SAMD11: variants seen among roughly 807,000 people sequenced by gnomAD.
The protein encoded by SAMD11 is sterile alpha motif domain-containing protein 11.
In SAMD11, 77 loss-of-function variants were observed where a neutral mutation model predicts 64.4. That is an observed-to-expected ratio of 1.20 (90% CI 0.99 to 1.44). The LOEUF (loss-of-function observed/expected upper bound fraction) is 1.44. Ranked by LOEUF, SAMD11 falls within the 40% of genes most tolerant of loss-of-function variation. The pLI, the probability that SAMD11 is intolerant of heterozygous loss-of-function variation, is 0.00. For synonymous variants in SAMD11, 658 were observed against 421.9 expected (o/e 1.56, Z -6.86); for missense variants, 1,402 against 943.3 (o/e 1.49, Z -6.37).
intron 4 of SAMD11, among the ~76,000 whole-genome samples, chr1:932,550 C>T (rs1237067056): frequency 6.6e-6 from 1 of 152,252 alleles, no homozygotes; most frequent in Non-Finnish European, 1.5e-5. Context: ...TGACCTGACC[C>T]TGGTGTCCGG....
At chr1:940,263 C>G (rs7411115) in intron 7 of SAMD11, 112,367 of 148,252 alleles carry the variant, frequency 0.76, 43,315 homozygotes, top group Non-Finnish European at 0.83. Context: ...CGCCGGCCGC[C>G]GGGGAGCGCG....
At chr1:937,473 C>T (rs1641519767) in intron 5 of SAMD11, among the ~76,000 whole-genome samples, 1 of 150,600 alleles carries the variant, frequency 6.6e-6, no homozygotes, top group South Asian at 2.1e-4. Context: ...GGGTAGTTTC[C>T]ACTGTGTACA....
chr1:927,016 C>T lies in SAMD11; in HGVS notation c.609+1003C>T, dbSNP rs141136857. Reference sequence around the variant, plus strand: ...TGAGTGCCGTAGCCAGGGAGCTGGGCGGCTGCAGACACACCTGTGAAGACG... The same window carrying T: ...TGAGTGCCGTAGCCAGGGAGCTGGGTGGCTGCAGACACACCTGTGAAGACG... On this transcript the variant is annotated intron_variant, in intron 2 of 13. Transcript: ENST00000616016. Among the ~76,000 whole-genome samples the T allele has an allele frequency of 3.6e-4, 55 of 152,226 alleles. No homozygotes were observed. The East Asian group carries it at 7.1e-3, about 20-fold the overall frequency.
In SAMD11 at chr1:939,136, G is replaced by C; in HGVS notation, c.1057+7G>C. The C allele has an allele frequency of 6.3e-7, 1 of 1,579,524 alleles. No individual in the cohort carries two copies. The highest frequency in any genetic ancestry group is 8.6e-7 in the Non-Finnish European group (1 of 1,162,168). ...CGAAGCGAATCGCCTCAAGGTAAGA[G>C]CGTGGCTGGGACGAGAGACAGGTCA... On this transcript the variant is annotated splice_region_variant and intron_variant, in intron 6 of 13. Transcript: ENST00000616016.
intron 2 of SAMD11, among the ~76,000 whole-genome samples, chr1:926,915 CCCGGGCGTACCTCCGCTTG>C (rs1227789224): frequency 6.6e-6 from 1 of 152,100 alleles, no homozygotes; most frequent in Non-Finnish European, 1.5e-5. Flanking sequence ...GCCTGAGGGT[CCCGGGCGTACCTCCGCTTG>C]CCTGCTTTGG....
In SAMD11 at chr1:944,433, C is replaced by G. The variant is rs537257169; in HGVS notation, c.*280C>G. ...CCCTGGAACTGGGACTGGTCTCGGTCTGCTGACGTCAGGGTCAGCTCCCCC... is the reference window on the plus strand; with the variant it reads ...CCCTGGAACTGGGACTGGTCTCGGTGTGCTGACGTCAGGGTCAGCTCCCCC... On this transcript the variant is annotated 3_prime_UTR_variant, in exon 14 of 14. Transcript: ENST00000616016. 1 of 1,023,370 alleles carries G rather than the reference C, an allele frequency of 9.8e-7. No individual in the cohort carries two copies. Among genetic ancestry groups the G allele is most frequent in the African/African-American group, 1.7e-5 (1 of 59,976 alleles). The allele number at this position is 1,023,370 out of a possible 1,614,324, so 63.4% of individuals were successfully genotyped here.
Position 923,923 on chromosome 1 carries a change from G to A in SAMD11, c.-509G>A, listed in dbSNP as rs1384662623. 1.3e-5 allele frequency: 2 copies of A among 151,262 alleles called. No homozygotes were observed. Among genetic ancestry groups the A allele is most frequent in the African/African-American group, 2.4e-5 (1 of 41,320 alleles). The allele number at this position is 151,262 out of a possible 1,614,324, so 9.4% of individuals were successfully genotyped here. On this transcript the variant is annotated 5_prime_UTR_variant, in exon 1 of 14. Coordinates refer to ENST00000616016, the MANE Select transcript of SAMD11 (RefSeq NM_001385641.1). ...TGGGCCAAGTTGTGGCGGCGGCGTC[G>A]GCGGCGGAGTCTCCCAAGTCCCCGC... is the stretch of plus-strand genomic sequence containing the variant.
rs200848321 is a variant in SAMD11 at position 939,069 on chromosome 1, T to C, written c.997T>C (p.Ser333Pro). ...CCTGTTGGGCAAGAGGCTGGGCCGC[T>C]CCCCCCGTATCAGCAGCGACTGCTT... ...GDLLGKRLGR[S>P]PRISSDCFSE... is the part of the protein sequence containing the mutation. The change falls in exon 6 of 14, where the codon TCC (serine) becomes CCC (proline). Residue 333 changes from serine to proline, a missense_variant. Physicochemically the swap from Ser to Pro is moderately conservative, Grantham distance 74. Transcript: ENST00000616016. The C allele has an allele frequency of 3.1e-6, 5 of 1,604,490 alleles. No homozygotes were observed. The highest frequency in any genetic ancestry group is 3.4e-6 in the Non-Finnish European group (4 of 1,176,114).
chr1:925,757 T>G, intron 1 of SAMD11, 165 bp from the exon 2 acceptor site: 1 of 605,984 alleles, frequency 1.7e-6, no homozygotes, highest in Non-Finnish European at 3.0e-6. Context: ...CCCTGCGGCG[T>G]TCGCGAGGGT....
rs1641998266 is a variant in SAMD11 at position 944,045 on chromosome 1, C to G, written c.2427C>G (p.Ser809=). 6.2e-7 allele frequency: 1 copy of G among 1,612,808 alleles called. No individual in the cohort carries two copies. The highest frequency in any genetic ancestry group is 8.5e-7 in the Non-Finnish European group (1 of 1,179,968). Reference sequence around the variant, plus strand: ...CCTTGTCCCCCACGACGGCCACGTCCCCCTATGGAGGGGGCCACGCCCTTG... The same window carrying G: ...CCTTGTCCCCCACGACGGCCACGTCGCCCTATGGAGGGGGCCACGCCCTTG... ...EQPLSPTTAT[S]PYGGGHALAG... Residue 809 remains serine (S), a synonymous_variant, in exon 14 of 14, where the codon TCC becomes TCG. Transcript: ENST00000616016.
Position 942,697 on chromosome 1 carries a change from C to A in SAMD11, c.1692C>A (p.Asn564Lys), listed in dbSNP as rs1641861290. Residue 564 changes from asparagine to lysine, a missense_variant, in exon 11 of 14, where the codon AAC becomes AAA. Transcript: ENST00000616016. ...LQRRGALLVL[N>K]HGAAPLLALP... ...GGCGCGGGGCCCTGCTGGTGCTGAA[C>A]CACGGCGCGGCGCCACTGCTGGCCC... 1.4e-6 allele frequency: 2 copies of A among 1,443,706 alleles called. No homozygotes were observed. The highest frequency in any genetic ancestry group is 3.0e-5 in the African/African-American group (2 of 66,538). The allele number at this position is 1,443,706 out of a possible 1,614,324, so 89.4% of individuals were successfully genotyped here. A position where few individuals can be genotyped will look rare whatever the true frequency, so the allele number is the denominator to read the frequency against.
chr1:943,698 G>C lies in SAMD11; in HGVS notation c.2179G>C (p.Val727Leu). The change falls in exon 13 of 14, where the codon GTC (valine) becomes CTC (leucine). Residue 727 changes from valine (V) to leucine (L), a missense_variant and splice_region_variant. By Grantham distance (32) the Val-to-Leu change is conservative (BLOSUM62 1). Transcript: ENST00000616016. ...GLSGCGEYTR[V>L]FREQGIDGET... is the part of the protein sequence containing the mutation. ...GACCCTCCCTCCCTCCCCCTTCCAG[G>C]TCTTCAGGGAGCAGGGGATCGACGG... The C allele has an allele frequency of 6.4e-7, 1 of 1,571,696 alleles. No individual in the cohort carries two copies. Among genetic ancestry groups the C allele is most frequent in the African/African-American group, 1.4e-5 (1 of 73,972 alleles).
chr1:942,422 T>G lies in SAMD11; in HGVS notation c.1487T>G (p.Leu496Arg). The G allele has an allele frequency of 1.4e-6, 2 of 1,464,368 alleles. No individual in the cohort carries two copies. Among genetic ancestry groups the G allele is most frequent in the Non-Finnish European group, 1.8e-6 (2 of 1,110,316 alleles). 90.7% of individuals were successfully genotyped at this position (1,464,368 alleles called of 1,614,324 possible). A position where few individuals can be genotyped will look rare whatever the true frequency, so the allele number is the denominator to read the frequency against. ...CCCTCCCCACCAGGCTACGGCTTCC[T>G]GCCCCCCGCGCAGGCGGAGATGTTC... ...ALCQTPGYGF[L>R]PPAQAEMFAW... is the part of the protein sequence containing the mutation. Residue 496 changes from leucine to arginine, a missense_variant, in exon 10 of 14, where the codon CTG becomes CGG. By Grantham distance (102) the Leu-to-Arg change is moderately radical (BLOSUM62 -2). Coordinates refer to ENST00000616016, the MANE Select transcript of SAMD11 (RefSeq NM_001385641.1).
At chr1:925,304 G>T in intron 1 of SAMD11, 1 of 152,016 alleles carries the variant, frequency 6.6e-6, no homozygotes, top group South Asian at 1.8e-4. Flanking sequence ...GAGACTGGAG[G>T]GGCGCACGTG....
At chr1:937,403 C>G (rs957336648) in intron 5 of SAMD11, among the ~76,000 whole-genome samples, 1 of 151,162 alleles carries the variant, frequency 6.6e-6, no homozygotes, top group Non-Finnish European at 1.5e-5. Flanking sequence ...CCTGCCCCCC[C>G]CCCCACCCAG....
intron 2 of SAMD11, among the ~76,000 whole-genome samples, chr1:928,137 T>C (rs1195774305): frequency 2.6e-5 from 4 of 152,198 alleles, no homozygotes; most frequent in African/African-American, 7.2e-5. Flanking sequence ...CGCATGCCTG[T>C]AATCCCAGCA....
At chr1:938,775 G>A (rs1163867830) in intron 5 of SAMD11, among the ~76,000 whole-genome samples, 1 of 152,216 alleles carries the variant, frequency 6.6e-6, no homozygotes, top group Non-Finnish European at 1.5e-5. Flanking sequence ...GGCGGGTGGG[G>A]CAGCTGGGTG....
rs1641877114 is a variant in SAMD11 at position 942,906 on chromosome 1, G to A, written c.1901G>A (p.Gly634Glu). 6.4e-7 allele frequency: 1 copy of A among 1,556,566 alleles called. No individual in the cohort carries two copies. The highest frequency in any genetic ancestry group is 8.7e-7 in the Non-Finnish European group (1 of 1,150,606). ...GACGAGCCCCCCAAAGACTCGGACGGAGAGGACCCCGAGACGGCAGCTGTT... is the reference window on the plus strand; with the variant it reads ...GACGAGCCCCCCAAAGACTCGGACGAAGAGGACCCCGAGACGGCAGCTGTT... Reference protein sequence around the residue: ...SEDEPPKDSDGEDPETAAVGC... With the variant: ...SEDEPPKDSDEEDPETAAVGC... Residue 634 changes from glycine to glutamate, a missense_variant, in exon 11 of 14, where the codon GGA becomes GAA. Physicochemically the swap from Gly to Glu is moderately conservative, Grantham distance 98. Transcript: ENST00000616016.
chr1:937,418 C>T (rs1429361375), intron 5 of SAMD11, among the ~76,000 whole-genome samples: 2 of 148,846 alleles, frequency 1.3e-5, no homozygotes, highest in Admixed American at 6.6e-5. Context: ...ACCCAGTCAC[C>T]TCCCCCAGGC....
Sources: allele counts gnomAD v4.1 joint callset (sites outside exome capture counted in the v4.1 genomes callset), GRCh38; gene constraint gnomAD v4.1.1; transcripts MANE v1.5; gene names NCBI Gene and HGNC (gene_info 2026-07-23, HGNC 2026-07-21).